TANC2: variants seen among roughly 807,000 people sequenced by gnomAD.
TANC2 encodes the protein protein TANC2.
A neutral mutation model predicts 210.5 loss-of-function variants in TANC2; 26 were observed. That is an observed-to-expected ratio of 0.12 (90% CI 0.09 to 0.17). TANC2 has a LOEUF of 0.17. TANC2 is among the 10% of genes least tolerant of loss of function. The probability of loss-of-function intolerance (pLI) is 1.00; values close to 1 mark genes in which losing one functional copy is unlikely to be tolerated. For synonymous variants in TANC2, 931 were observed against 967.1 expected, an observed-to-expected ratio of 0.96 and a Z score of 0.69; for missense variants, 2,129 against 2,608.9, an observed-to-expected ratio of 0.82 and a Z score of 4.01.
At chr17:63,326,507 A>G (rs561060527) in intron 11 of TANC2, among the ~76,000 whole-genome samples, 1 of 152,100 alleles carries the variant, frequency 6.6e-6, no homozygotes, top group Non-Finnish European at 1.5e-5. Context: ...AAGATTGACA[A>G]ATTTGGCCAC....
intron 26 of TANC2, among the ~76,000 whole-genome samples, chr17:63,416,857 G>A (rs568534903): frequency 6.6e-6 from 1 of 152,192 alleles, no homozygotes; most frequent in East Asian, 1.9e-4. Flanking sequence ...TGGCGGTCTC[G>A]GGAGACAGAT....
Position 63,205,344 on chromosome 17 carries a change from C to CAAAAAAAAAAAAAAAAAAAAAAAAAA in TANC2, c.769+4390_769+4415dup, listed in dbSNP as rs1158768609. On this transcript the variant is annotated intron_variant, in intron 7 of 27. Transcript: ENST00000689528. Reference sequence around the variant, plus strand: ...ACTGCTCAAAATTTAACCAAGGAGGCAAAAAAAAAAAAAAAAAAAAAAAAA... The same window carrying CAAAAAAAAAAAAAAAAAAAAAAAAAA: ...ACTGCTCAAAATTTAACCAAGGAGGCAAAAAAAAAAAAAAAAAAAAAAAAAAAAAAAAAAAAAAAAAAAAAAAAAAA... Among the ~76,000 whole-genome samples, 3 of 8,070 alleles carry CAAAAAAAAAAAAAAAAAAAAAAAAAA rather than the reference C, an allele frequency of 3.7e-4. 1 individual carries two copies. Among genetic ancestry groups the CAAAAAAAAAAAAAAAAAAAAAAAAAA allele is most frequent in the Non-Finnish European group, 7.1e-4 (3 of 4,206 alleles). The allele number at this position is 8,070 out of a possible 152,430, so 5.3% of individuals were successfully genotyped here.
rs757201597 is a variant in TANC2 at position 63,194,150 on chromosome 17, T to C, written c.582+11T>C. The C allele has an allele frequency of 1.5e-5, 24 of 1,609,272 alleles. No individual in the cohort carries two copies. The highest frequency in any genetic ancestry group is 3.4e-5 in the Admixed American group (2 of 59,386). The stretch of plus-strand genomic sequence containing the variant: ...CAGGATGAAAATCAGGTAAGCTGTT[T>C]GCTATCACCTTTGTGAAACATGGTG... On this transcript the variant is annotated intron_variant, in intron 6 of 27. Transcript: ENST00000689528.
chr17:62,996,352 G>A (rs561957452), intron 1 of TANC2, among the ~76,000 whole-genome samples: 2 of 152,308 alleles, frequency 1.3e-5, no homozygotes, highest in South Asian at 2.1e-4. Flanking sequence ...TAGCAATAGC[G>A]GAGTCTTAGC....
At chr17:63,255,245 C>T (rs1041922558) in intron 8 of TANC2, among the ~76,000 whole-genome samples, 1 of 152,052 alleles carries the variant, frequency 6.6e-6, no homozygotes, top group Middle Eastern at 3.4e-3. Context: ...GCTAGGACTA[C>T]AGGCGCCCGG....
At chr17:63,086,470 C>T (rs2036968776) in intron 3 of TANC2, among the ~76,000 whole-genome samples, 1 of 152,200 alleles carries the variant, frequency 6.6e-6, no homozygotes, top group Non-Finnish European at 1.5e-5. Context: ...CACGTCCAGT[C>T]TGCTAATGAG....
chr17:63,287,514 T>C (rs1035856319), intron 9 of TANC2, among the ~76,000 whole-genome samples: 4 of 152,198 alleles, frequency 2.6e-5, no homozygotes, highest in East Asian at 1.9e-4. Flanking sequence ...TGTATTCTTA[T>C]ACATATTCTT....
At chr17:63,127,929 G>A (rs2038770743) in intron 4 of TANC2, among the ~76,000 whole-genome samples, 1 of 152,198 alleles carries the variant, frequency 6.6e-6, no homozygotes, top group South Asian at 2.1e-4. Context: ...AGGACAAGAT[G>A]TATATTAGAG....
chr17:63,303,307 T>C (rs1274967074), intron 9 of TANC2, among the ~76,000 whole-genome samples: 1 of 152,198 alleles, frequency 6.6e-6, no homozygotes, highest in Non-Finnish European at 1.5e-5. Context: ...GGTGACAAAA[T>C]CCCTCAGCAT....
At chr17:63,070,613 A>G (rs562366201) in intron 2 of TANC2, among the ~76,000 whole-genome samples, 6 of 152,088 alleles carry the variant, frequency 3.9e-5, no homozygotes, top group South Asian at 2.1e-4. Flanking sequence ...AATCTAGGTC[A>G]CTCCTAGTTT....
intron 21 of TANC2, among the ~76,000 whole-genome samples, chr17:63,410,570 A>G (rs969759558): frequency 3.3e-5 from 5 of 152,046 alleles, no homozygotes; most frequent in East Asian, 1.9e-4. Flanking sequence ...ACTATTATCA[A>G]TGGAAGGCTT....
intron 12 of TANC2, among the ~76,000 whole-genome samples, chr17:63,347,101 A>C (rs2046439606): frequency 6.6e-6 from 1 of 152,366 alleles, no homozygotes; most frequent in East Asian, 1.9e-4. Flanking sequence ...ATATGTCTAC[A>C]AAACACTTGT....
At chr17:63,202,556 G>A (rs1014268758) in intron 7 of TANC2, among the ~76,000 whole-genome samples, 1 of 152,090 alleles carries the variant, frequency 6.6e-6, no homozygotes, top group Non-Finnish European at 1.5e-5. Flanking sequence ...TAAGTATTTA[G>A]GAGCAGAGCA....
intron 2 of TANC2, among the ~76,000 whole-genome samples, chr17:63,039,858 T>G (rs1358488734): frequency 6.6e-6 from 1 of 152,186 alleles, no homozygotes; most frequent in Non-Finnish European, 1.5e-5. Flanking sequence ...ACTAGATGCA[T>G]GCATGGTAGT....
chr17:63,284,347 A>G (rs562437177), intron 9 of TANC2, among the ~76,000 whole-genome samples: 42 of 151,782 alleles, frequency 2.8e-4, no homozygotes, highest in Non-Finnish European at 5.6e-4. Flanking sequence ...GCAATTTTGT[A>G]TTTACTGTTC....
intron 14 of TANC2, among the ~76,000 whole-genome samples, chr17:63,365,823 C>A (rs2047093833): frequency 6.6e-6 from 1 of 152,054 alleles, no homozygotes; most frequent in African/African-American, 2.4e-5. Flanking sequence ...AGAAAGACTT[C>A]TGCTTGTCAC....
chr17:63,185,953 G>T (rs2040967603), intron 5 of TANC2, among the ~76,000 whole-genome samples: 1 of 152,028 alleles, frequency 6.6e-6, no homozygotes, highest in Non-Finnish European at 1.5e-5. Flanking sequence ...TTTCTTAATG[G>T]TTGTTGCCTT....
chr17:63,253,352 G>T (rs2043104929), intron 8 of TANC2, among the ~76,000 whole-genome samples: 1 of 152,162 alleles, frequency 6.6e-6, no homozygotes, highest in Non-Finnish European at 1.5e-5. Context: ...TCCCTTGACA[G>T]ATGGATAGTT....
At chr17:63,172,193 C>CTTTT (rs549414417) in intron 5 of TANC2, among the ~76,000 whole-genome samples, 2 of 131,028 alleles carry the variant, frequency 1.5e-5, no homozygotes, top group African/African-American at 2.8e-5. Flanking sequence ...CTTTTCTTTT[C>CTTTT]TTTTTTTTTT....
Sources: allele counts gnomAD v4.1 joint callset (sites outside exome capture counted in the v4.1 genomes callset), GRCh38; gene constraint gnomAD v4.1.1; transcripts MANE v1.5; gene names NCBI Gene and HGNC (gene_info 2026-07-23, HGNC 2026-07-21).